Variants in THUMPD2 observed in about 807,000 individuals in gnomAD.
THUMPD2 encodes U6 snRNA (guanine-N(2))-methyltransferase THUMPD2.
THUMPD2 carries 56 observed loss-of-function variants against 49.4 expected under a neutral mutation model. The ratio of observed to expected loss-of-function variants is 1.13; its 90% confidence interval spans 0.91 to 1.41. The LOEUF (loss-of-function observed/expected upper bound fraction) is 1.41. THUMPD2 is among the 40% of genes most tolerant of loss of function. The pLI is 0.00. For synonymous variants in THUMPD2, 237 were observed against 205.2 expected (o/e 1.15, Z -1.32); for missense variants, 709 against 594.5 (o/e 1.19, Z -2.00).
At chr2:39,741,554 A>G (rs1199015255) in intron 9 of THUMPD2, among the ~76,000 whole-genome samples, 7 of 152,188 alleles carry the variant, frequency 4.6e-5, no homozygotes, top group Non-Finnish European at 8.8e-5. Flanking sequence ...TTGCACAGTT[A>G]CATTTGAGGA....
At chr2:39,755,991 T>C (rs1676066509) in intron 6 of THUMPD2, 31 bp from the exon 7 acceptor site, 2 of 1,586,624 alleles carry the variant, frequency 1.3e-6, no homozygotes, top group East Asian at 2.2e-5. Flanking sequence ...TTGGTATTAT[T>C]AAGACTACCA....
At chr2:39,738,244 CAAG>C (rs1173867167) in intron 9 of THUMPD2, among the ~76,000 whole-genome samples, 1 of 152,112 alleles carries the variant, frequency 6.6e-6, no homozygotes, top group Admixed American at 6.6e-5. Flanking sequence ...AGTACAGTTT[CAAG>C]AAAGAAACAG....
chr2:39,763,594 C>T (rs1302374236), intron 5 of THUMPD2, among the ~76,000 whole-genome samples: 1 of 152,168 alleles, frequency 6.6e-6, no homozygotes, highest in Non-Finnish European at 1.5e-5. Flanking sequence ...GACTCCTTAA[C>T]TATTTTTTGA....
chr2:39,742,192 T>TA (rs1361240204), intron 9 of THUMPD2, among the ~76,000 whole-genome samples: 3 of 151,482 alleles, frequency 2.0e-5, no homozygotes, highest in Admixed American at 6.6e-5. Flanking sequence ...CTTCAAACCA[T>TA]AAAAAAAACA....
chr2:39,776,499 T>A (rs1418149467), intron 1 of THUMPD2, among the ~76,000 whole-genome samples: 2 of 151,712 alleles, frequency 1.3e-5, no homozygotes, highest in African/African-American at 4.8e-5. Context: ...GTTCAAGCAA[T>A]TCTCGTGCCT....
intron 3 of THUMPD2, chr2:39,769,001 G>A (rs1294755475): frequency 1.4e-5 from 18 of 1,304,528 alleles, no homozygotes; most frequent in Admixed American, 9.2e-5. Flanking sequence ...GTCTGGTGAT[G>A]GCAACAGTTT....
chr2:39,743,170 T>C (rs866631010), intron 9 of THUMPD2, among the ~76,000 whole-genome samples: 1 of 152,256 alleles, frequency 6.6e-6, no homozygotes, highest in African/African-American at 2.4e-5. Flanking sequence ...ATGGCTCATA[T>C]TTTAAATTGG....
chr2:39,747,477 T>A (rs1674766072), intron 8 of THUMPD2, among the ~76,000 whole-genome samples: 1 of 152,186 alleles, frequency 6.6e-6, no homozygotes, highest in African/African-American at 2.4e-5. Flanking sequence ...TGGGTCACCA[T>A]ACAGTTTATA....
chr2:39,779,228 C>G lies in THUMPD2; in HGVS notation c.12G>C (p.Ala4=), dbSNP rs371296499. 4 of 1,496,404 alleles carry G rather than the reference C, an allele frequency of 2.7e-6. 1 individual carries two copies. The South Asian group carries it at 3.8e-5, about 14-fold the overall frequency. The allele number at this position is 1,496,404 out of a possible 1,614,324, so 92.7% of individuals were successfully genotyped here. A position where few individuals can be genotyped will look rare whatever the true frequency, so the allele number is the denominator to read the frequency against. MSE[A]RGEPGSGPEA... Reference sequence around the variant, plus strand: ...CAGGCCCGGACCCTGGCTCTCCACGCGCCTCCGACATGGCGGCTCAGGCGC... The same window carrying G: ...CAGGCCCGGACCCTGGCTCTCCACGGGCCTCCGACATGGCGGCTCAGGCGC... Residue 4 remains alanine (A), a synonymous_variant, in exon 1 of 10, where the codon GCG becomes GCC. Transcript: ENST00000505747.
At chr2:39,763,749 T>C (rs1042081187) in intron 5 of THUMPD2, among the ~76,000 whole-genome samples, 2 of 152,204 alleles carry the variant, frequency 1.3e-5, no homozygotes, top group East Asian at 1.9e-4. Context: ...CAAATTCTTA[T>C]TGCTTTAAGG....
chr2:39,767,412 G>A lies in THUMPD2; in HGVS notation c.750+1012C>T, dbSNP rs562079722. Among the ~76,000 whole-genome samples, 240 of 151,262 alleles carry A rather than the reference G, an allele frequency of 1.6e-3. 1 individual carries two copies. The highest frequency in any genetic ancestry group is 5.5e-3 in the African/African-American group (225 of 41,082). On this transcript the variant is annotated intron_variant, in intron 4 of 9. Transcript: ENST00000505747. ...GAGGTCAGGAGATCGAGACCATCCC[G>A]GCTAAAACGGTGAAACCCCGTCTCT...
Position 39,770,053 on chromosome 2 carries a change from G to A in THUMPD2, c.329C>T (p.Ser110Leu), listed in dbSNP as rs771247909. Residue 110 changes from serine (S) to leucine (L), a missense_variant, in exon 3 of 10, where the codon TCA becomes TTA. Ser to Leu is a moderately radical substitution (Grantham distance 145). Transcript: ENST00000505747. ...EDPGSWLNAI[S>L]IWKNLLELDA... ...AAGTTCAAGAAGATTTTTCCAAATT[G>A]AAATGGCATTCAACCAACTTCCTGG... 2 of 1,566,238 alleles carry A rather than the reference G, an allele frequency of 1.3e-6. No homozygotes were observed. The highest frequency in any genetic ancestry group is 4.4e-5 in the Admixed American group (2 of 45,936).
chr2:39,779,254 G>A lies in THUMPD2; in HGVS notation c.-15C>T. On this transcript the variant is annotated 5_prime_UTR_variant, in exon 1 of 10. Transcript: ENST00000505747. ...GCCTCCGACATGGCGGCTCAGGCGCGCCCTCGCGCCTTCGGGTCACGTGGC... is the reference window on the plus strand; with the variant it reads ...GCCTCCGACATGGCGGCTCAGGCGCACCCTCGCGCCTTCGGGTCACGTGGC... 1 of 1,476,718 alleles carries A rather than the reference G, an allele frequency of 6.8e-7. No homozygotes were observed. The highest frequency in any genetic ancestry group is 8.9e-7 in the Non-Finnish European group (1 of 1,122,592). The allele number at this position is 1,476,718 out of a possible 1,614,324, so 91.5% of individuals were successfully genotyped here. A position where few individuals can be genotyped will look rare whatever the true frequency, so the allele number is the denominator to read the frequency against.
chr2:39,754,646 G>A (rs956079981), intron 8 of THUMPD2, among the ~76,000 whole-genome samples: 1 of 152,174 alleles, frequency 6.6e-6, no homozygotes, highest in Non-Finnish European at 1.5e-5. Flanking sequence ...TTTAAAAATT[G>A]TCTAAACGCC....
chr2:39,748,822 AAAG>A (rs1674990280), intron 8 of THUMPD2, among the ~76,000 whole-genome samples: 1 of 151,908 alleles, frequency 6.6e-6, no homozygotes, highest in Non-Finnish European at 1.5e-5. Flanking sequence ...TTTTTTTAAA[AAAG>A]AAAATTAGCC....
At chr2:39,738,552 A>G (rs187869730) in intron 9 of THUMPD2, among the ~76,000 whole-genome samples, 1 of 151,218 alleles carries the variant, frequency 6.6e-6, no homozygotes, top group African/African-American at 2.4e-5. Context: ...CAACAGAGAG[A>G]GACCCTGTCT....
intron 6 of THUMPD2, chr2:39,757,433 G>C: frequency 6.2e-6 from 8 of 1,300,294 alleles, no homozygotes; most frequent in Non-Finnish European, 8.1e-6. Context: ...AAATTTTAAA[G>C]AGAATATCAC....
chr2:39,770,870 A>C (rs1448566860), intron 2 of THUMPD2, among the ~76,000 whole-genome samples: 1 of 152,060 alleles, frequency 6.6e-6, no homozygotes, highest in Non-Finnish European at 1.5e-5. Context: ...TAAATACATG[A>C]TCTCTTACGT....
chr2:39,756,396 C>A (rs1676125417), intron 6 of THUMPD2, among the ~76,000 whole-genome samples: 1 of 151,320 alleles, frequency 6.6e-6, no homozygotes, highest in Non-Finnish European at 1.5e-5. Flanking sequence ...TGGCGTGAAC[C>A]TGGGAGGCAG....
Sources: gnomAD v4.1 joint callset for allele counts (sites outside exome capture counted in the v4.1 genomes callset) on GRCh38, gnomAD v4.1.1 for gene constraint, MANE v1.5 for transcripts, NCBI Gene and HGNC (gene_info 2026-07-23, HGNC 2026-07-21) for gene names.